PTPRQ: variants seen among roughly 807,000 people sequenced by gnomAD.
The protein encoded by PTPRQ is protein tyrosine phosphatase receptor type Q.
Under a neutral mutation model 246.0 loss-of-function variants are expected in PTPRQ, and 199 were observed. The observed-to-expected ratio is 0.81, with a 90% CI of 0.72 to 0.91. The LOEUF (loss-of-function observed/expected upper bound fraction) is 0.91. PTPRQ is among the 40% of genes least tolerant of loss of function. The probability of loss-of-function intolerance (pLI) is 0.00; values close to 1 mark genes in which losing one functional copy is unlikely to be tolerated. For missense variants in PTPRQ, 2,624 were observed against 2,528.4 expected (o/e 1.04, Z -0.81); for synonymous variants, 869 against 853.2 (o/e 1.02, Z -0.32).
chr12:80,669,614 A>G, intron 41 of PTPRQ, 150 bp downstream of exon 41: 1 of 1,186,654 alleles, frequency 8.4e-7, no homozygotes. Flanking sequence ...AGAATTTTGA[A>G]TCGATATCCA....
chr12:80,617,061 C>A (rs1311323181), intron 30 of PTPRQ, among the ~76,000 whole-genome samples: 1 of 151,190 alleles, frequency 6.6e-6, no homozygotes, highest in African/African-American at 2.4e-5. Context: ...CAGTCTTTGG[C>A]AAATACAGCA....
At chr12:80,629,199 G>A (rs1175189365) in intron 33 of PTPRQ, among the ~76,000 whole-genome samples, 3 of 151,910 alleles carry the variant, frequency 2.0e-5, no homozygotes, top group Non-Finnish European at 4.4e-5. Context: ...GAGAGAGAGA[G>A]ATGGAGAACA....
intron 6 of PTPRQ, among the ~76,000 whole-genome samples, chr12:80,463,543 G>A: frequency 6.6e-6 from 1 of 152,016 alleles, no homozygotes; most frequent in Non-Finnish European, 1.5e-5. Context: ...CTTGAGAAGA[G>A]CAACTCTAAG....
rs529042083 is a variant in PTPRQ at position 80,572,859 on chromosome 12, G to A, written c.4286-15270G>A. On this transcript the variant is annotated intron_variant, in intron 25 of 44. Coordinates refer to ENST00000644991, the MANE Select transcript of PTPRQ (RefSeq NM_001145026.2). ...TACATTCCTGGGATAAAACACACTTGATCAGATGTGTTATTCTACTATATA... is the reference window on the plus strand; with the variant it reads ...TACATTCCTGGGATAAAACACACTTAATCAGATGTGTTATTCTACTATATA... Among the ~76,000 whole-genome samples, 15 of 152,204 alleles carry A rather than the reference G, an allele frequency of 9.9e-5. No individual in the cohort carries two copies. The South Asian group carries it at 1.7e-3, about 17-fold the overall frequency.
intron 42 of PTPRQ, among the ~76,000 whole-genome samples, chr12:80,671,195 T>C (rs756658083): frequency 2.0e-5 from 3 of 152,050 alleles, no homozygotes; most frequent in Admixed American, 6.6e-5. Flanking sequence ...AATACGTAAA[T>C]GCTTGCTCAT....
At chr12:80,474,425 C>G (rs536303994) in intron 8 of PTPRQ, among the ~76,000 whole-genome samples, 1 of 152,102 alleles carries the variant, frequency 6.6e-6, no homozygotes, top group South Asian at 2.1e-4. Flanking sequence ...GCATTGACCT[C>G]TTATAGAGAA....
At chr12:80,450,943 A>G (rs1043726983) in intron 3 of PTPRQ, among the ~76,000 whole-genome samples, 1 of 152,230 alleles carries the variant, frequency 6.6e-6, no homozygotes, top group African/African-American at 2.4e-5. Flanking sequence ...GAATAGTTTC[A>G]GAAGGAATAG....
chr12:80,619,721 A>C (rs1251403546), intron 31 of PTPRQ, among the ~76,000 whole-genome samples, 179 bp downstream of exon 31: 3 of 151,580 alleles, frequency 2.0e-5, no homozygotes, highest in Non-Finnish European at 4.4e-5. Flanking sequence ...TAAATTATTT[A>C]TTTATTTTAT....
chr12:80,534,956 C>A lies in PTPRQ; in HGVS notation c.2904C>A (p.Phe968Leu). Reference sequence around the variant, plus strand: ...TCAGTTCTTCATCAATAATTCTTTTCTGGACACCTCCTTCAAAACCTAATG... The same window carrying A: ...TCAGTTCTTCATCAATAATTCTTTTATGGACACCTCCTTCAAAACCTAATG... ...ANLSSSSIIL[F>L]WTPPSKPNGI... Residue 968 changes from phenylalanine (F) to leucine (L), a missense_variant, in exon 19 of 45, where the codon TTC becomes TTA. Transcript: ENST00000644991. 6.5e-7 allele frequency: 1 copy of A among 1,550,232 alleles called. No homozygotes were observed. Among genetic ancestry groups the A allele is most frequent in the East Asian group, 2.5e-5 (1 of 40,738 alleles).
intron 25 of PTPRQ, among the ~76,000 whole-genome samples, chr12:80,570,555 T>G (rs1897116374): frequency 6.6e-6 from 1 of 152,214 alleles, no homozygotes; most frequent in South Asian, 2.1e-4. Flanking sequence ...CTGATGATAC[T>G]TTCTTTTGCT....
intron 2 of PTPRQ, 99 bp downstream of exon 2, chr12:80,444,948 T>C (rs1276990717): frequency 8.3e-6 from 11 of 1,328,838 alleles, no homozygotes; most frequent in Admixed American, 3.0e-5. Context: ...TACATTAAAT[T>C]CATGAAAACA....
intron 29 of PTPRQ, among the ~76,000 whole-genome samples, chr12:80,614,739 G>A (rs143151710): frequency 1.1e-3 from 163 of 150,870 alleles, no homozygotes; most frequent in Admixed American, 2.1e-3. Context: ...TGGCGTCTGT[G>A]CCAGGGCAGC....
intron 26 of PTPRQ, among the ~76,000 whole-genome samples, chr12:80,598,421 G>A (rs962144788): frequency 6.6e-6 from 1 of 151,934 alleles, no homozygotes; most frequent in Non-Finnish European, 1.5e-5. Context: ...TACTCTTGCT[G>A]TGTGGAAATA....
chr12:80,525,090 C>T (rs549812634), intron 17 of PTPRQ, among the ~76,000 whole-genome samples: 1 of 152,046 alleles, frequency 6.6e-6, no homozygotes, highest in Non-Finnish European at 1.5e-5. Flanking sequence ...TCTATTATGA[C>T]AGAATGATAA....
intron 8 of PTPRQ, among the ~76,000 whole-genome samples, chr12:80,477,884 C>G (rs918230429): frequency 5.3e-5 from 8 of 152,208 alleles, no homozygotes; most frequent in African/African-American, 1.7e-4. Context: ...GTCCTACGCC[C>G]ACGGAGTCTC....
At chr12:80,471,644 A>AT (rs1893640474) in intron 7 of PTPRQ, among the ~76,000 whole-genome samples, 2 of 142,046 alleles carry the variant, frequency 1.4e-5, no homozygotes, top group Admixed American at 1.4e-4. Context: ...CGCCCGGCTA[A>AT]TTTTTTGTAT....
chr12:80,502,913 G>A (rs561581968), intron 14 of PTPRQ, among the ~76,000 whole-genome samples: 72 of 151,886 alleles, frequency 4.7e-4, no homozygotes, highest in African/African-American at 1.6e-3. Context: ...TCATTTGCAT[G>A]GAAGTTGGCC....
At chr12:80,453,408 A>T (rs917366433) in intron 3 of PTPRQ, among the ~76,000 whole-genome samples, 1 of 152,122 alleles carries the variant, frequency 6.6e-6, no homozygotes, top group African/African-American at 2.4e-5. Flanking sequence ...GTTGCTGGTG[A>T]GGAACTGCGT....
intron 24 of PTPRQ, among the ~76,000 whole-genome samples, chr12:80,548,168 G>T (rs1025869265): frequency 1.3e-5 from 2 of 151,930 alleles, no homozygotes; most frequent in African/African-American, 4.8e-5. Context: ...AGATAAAATT[G>T]TACCCCAACA....
Sources: gnomAD v4.1 joint callset for allele counts (sites outside exome capture counted in the v4.1 genomes callset) on GRCh38, gnomAD v4.1.1 for gene constraint, MANE v1.5 for transcripts, NCBI Gene and HGNC (gene_info 2026-07-23, HGNC 2026-07-21) for gene names.